Variants in LARGE1 observed in about 807,000 individuals in gnomAD.
LARGE1 encodes the protein LARGE xylosyl- and glucuronyltransferase 1, also known as xylosyl- and glucuronyltransferase LARGE1.
A neutral mutation model predicts 87.6 loss-of-function variants in LARGE1; 43 were observed. The ratio of observed to expected loss-of-function variants is 0.49; its 90% confidence interval spans 0.38 to 0.63. The LOEUF (loss-of-function observed/expected upper bound fraction) is 0.63. LARGE1 is among the 30% of genes least tolerant of loss of function. The probability of loss-of-function intolerance (pLI) is 0.00; values close to 1 mark genes in which losing one functional copy is unlikely to be tolerated. For missense variants in LARGE1, 802 were observed against 1,000.2 expected (o/e 0.80, Z 2.67); for synonymous variants, 434 against 394.6 (o/e 1.10, Z -1.18).
intron 1 of LARGE1, among the ~76,000 whole-genome samples, chr22:33,877,984 T>C (rs1475086648): frequency 6.6e-6 from 1 of 151,698 alleles, no homozygotes; most frequent in Non-Finnish European, 1.5e-5. Context: ...AAATAAAGAA[T>C]GTAACATTTG....
At chr22:33,080,951 TTCCATCCATCCATCCATCCA>T in the LARGE1 span, among the ~76,000 whole-genome samples, 1 of 149,226 alleles carries the variant, frequency 6.7e-6, no homozygotes, top group Non-Finnish European at 1.5e-5. Context: ...TCCATCTGTC[TTCCATCCATCCATCCATCCA>T]TCCATCCATC....
At chr22:33,072,746 A>G in the LARGE1 span, among the ~76,000 whole-genome samples, 1 of 152,114 alleles carries the variant, frequency 6.6e-6, no homozygotes, top group African/African-American at 2.4e-5. Context: ...TCATAAAGCC[A>G]ATTCTGACTC....
intron 2 of LARGE1, among the ~76,000 whole-genome samples, chr22:33,728,394 C>T (rs975061908): frequency 2.6e-5 from 4 of 151,686 alleles, no homozygotes; most frequent in Non-Finnish European, 5.9e-5. Flanking sequence ...CAAAAATTAG[C>T]CAGGCACGGG....
intron 6 of LARGE1, among the ~76,000 whole-genome samples, chr22:33,463,293 T>C (rs530228991): frequency 2.0e-5 from 3 of 151,116 alleles, no homozygotes; most frequent in Admixed American, 6.6e-5. Flanking sequence ...TAAAAGAAAA[T>C]ACAAATACAA....
intron 6 of LARGE1, among the ~76,000 whole-genome samples, chr22:33,449,851 C>T (rs1467546350): frequency 2.0e-5 from 3 of 152,174 alleles, no homozygotes; most frequent in Admixed American, 2.0e-4. Flanking sequence ...AAGAAGACTG[C>T]GTCCCTCATG....
chr22:33,350,213 T>TG (rs1194343249), intron 9 of LARGE1, among the ~76,000 whole-genome samples: 2 of 152,136 alleles, frequency 1.3e-5, no homozygotes, highest in African/African-American at 4.8e-5. Flanking sequence ...TGCTATAAAA[T>TG]GGGGGTAAAA....
chr22:33,183,787 T>G (rs1923321623), intron 11 of LARGE1, among the ~76,000 whole-genome samples: 1 of 152,040 alleles, frequency 6.6e-6, no homozygotes, highest in Non-Finnish European at 1.5e-5. Context: ...ACGGGTTCTA[T>G]TTGGACGCTA....
chr22:33,651,008 C>A (rs909036476), intron 2 of LARGE1, among the ~76,000 whole-genome samples: 1 of 150,688 alleles, frequency 6.6e-6, no homozygotes, highest in Non-Finnish European at 1.5e-5. Context: ...ACAAAGTGGG[C>A]GGATTGGGGA....
intron 7 of LARGE1, among the ~76,000 whole-genome samples, chr22:33,391,763 T>TC (rs148013631): frequency 7.9e-6 from 1 of 127,150 alleles, no homozygotes; most frequent in Non-Finnish European, 1.6e-5. Flanking sequence ...ATTTCCTTTT[T>TC]CCTTTTTTTT....
In LARGE1 at chr22:33,224,032, G is replaced by A. The variant is rs377216393; in HGVS notation, c.1731-57200C>T. Among the ~76,000 whole-genome samples the A allele has an allele frequency of 6.6e-5, 10 of 152,260 alleles. No homozygotes were observed. The South Asian group carries it at 1.2e-3, about 19-fold the overall frequency. On this transcript the variant is annotated intron_variant, in intron 11 of 11. Coordinates refer to the LARGE1 transcript ENST00000608642. ...GCTCAGGATGGGCGCGGTGGCTCAC[G>A]CTTGTAATCCCAGAACTTTGGGAGG...
At chr22:33,568,504 C>T (rs6518832) in intron 5 of LARGE1, among the ~76,000 whole-genome samples, 53,472 of 152,028 alleles carry the variant, frequency 0.35, 9,853 homozygotes, top group East Asian at 0.57. Context: ...CAGTGGCTCA[C>T]GCCTGTAATC....
chr22:33,673,685 C>T (rs1297938178), intron 2 of LARGE1, among the ~76,000 whole-genome samples: 1 of 152,038 alleles, frequency 6.6e-6, no homozygotes, highest in Non-Finnish European at 1.5e-5. Flanking sequence ...TGAAAAAACT[C>T]CCCATTCTTT....
intron 6 of LARGE1, among the ~76,000 whole-genome samples, chr22:33,539,954 C>T (rs2077146687): frequency 6.6e-6 from 1 of 152,026 alleles, no homozygotes; most frequent in South Asian, 2.1e-4. Flanking sequence ...GATAAAATTC[C>T]CAGCTCTACT....
Position 33,547,633 on chromosome 22 carries a change from T to TA in LARGE1, c.787+17214dup, listed in dbSNP as rs954628618. 8.5e-4 allele frequency among the ~76,000 whole-genome samples: 124 copies of TA among 146,054 alleles called. 2 individuals carry two copies. The highest frequency in any genetic ancestry group is 2.6e-3 in the South Asian group (12 of 4,578). On this transcript the variant is annotated intron_variant, in intron 6 of 14. Transcript: ENST00000397394. ...ACATGGTGAAACCCCATCTCTACTT[T>TA]AAAAAAAAAAATTAGCTGGGCATGG...
intron 6 of LARGE1, 145 bp downstream of exon 6, chr22:33,564,703 T>C (rs1000190453): frequency 1.6e-5 from 12 of 772,462 alleles, no homozygotes; most frequent in African/African-American, 1.5e-4. Flanking sequence ...AGAGTTGATA[T>C]TGAACCATAT....
chr22:33,276,354 A>G (rs1929294784), intron 14 of LARGE1, among the ~76,000 whole-genome samples: 1 of 152,192 alleles, frequency 6.6e-6, no homozygotes, highest in African/African-American at 2.4e-5. Context: ...TTGTACACAA[A>G]GTTTTATTGA....
chr22:33,237,335 T>A (rs1286784315), intron 11 of LARGE1, among the ~76,000 whole-genome samples: 1 of 152,202 alleles, frequency 6.6e-6, no homozygotes, highest in African/African-American at 2.4e-5. Flanking sequence ...AATGTAAAAT[T>A]AGTCCAAGAT....
At chr22:33,078,986 C>G in the LARGE1 span, among the ~76,000 whole-genome samples, 1 of 152,154 alleles carries the variant, frequency 6.6e-6, no homozygotes, top group Non-Finnish European at 1.5e-5. Flanking sequence ...CAACACAGCA[C>G]ACTAACTACA....
chr22:33,796,595 TCC>T (rs1165138628), intron 1 of LARGE1, among the ~76,000 whole-genome samples: 2 of 152,096 alleles, frequency 1.3e-5, no homozygotes, highest in East Asian at 3.9e-4. Context: ...AACATTATTT[TCC>T]AAGTAAAATT....
Sources: allele counts gnomAD v4.1 joint callset (sites outside exome capture counted in the v4.1 genomes callset), GRCh38; gene constraint gnomAD v4.1.1; transcripts MANE v1.5; gene names NCBI Gene and HGNC (gene_info 2026-07-23, HGNC 2026-07-21).